The following GPC5 variants were observed in gnomAD, a reference collection of about 807,000 sequenced individuals.
The protein encoded by GPC5 is glypican-5.
A neutral mutation model predicts 53.9 loss-of-function variants in GPC5; 47 were observed. The ratio of observed to expected loss-of-function variants is 0.87; its 90% CI spans 0.69 to 1.11. GPC5 has a LOEUF of 1.11. Ranked by LOEUF, GPC5 falls within the 50% of genes most tolerant of loss-of-function variation. The pLI, the probability that GPC5 is intolerant of heterozygous loss-of-function variation, is 0.00. For missense variants in GPC5, 748 were observed against 713.1 expected, an observed-to-expected ratio of 1.05 and a Z score of -0.56; for synonymous variants, 286 against 263.3, an observed-to-expected ratio of 1.09 and a Z score of -0.84.
chr13:92,736,040 C>A (rs1316798580), intron 7 of GPC5, among the ~76,000 whole-genome samples: 1 of 151,974 alleles, frequency 6.6e-6, no homozygotes, highest in African/African-American at 2.4e-5. Context: ...GATAAACTAA[C>A]AAGCAAAAAT....
At chr13:91,777,568 A>G (rs1479519110) in intron 5 of GPC5, among the ~76,000 whole-genome samples, 1 of 152,210 alleles carries the variant, frequency 6.6e-6, no homozygotes, top group African/African-American at 2.4e-5. Context: ...AGATGAGAGT[A>G]TGTTCCGTGA....
chr13:91,632,968 A>G (rs1815934258), intron 2 of GPC5, among the ~76,000 whole-genome samples: 1 of 152,168 alleles, frequency 6.6e-6, no homozygotes, highest in Non-Finnish European at 1.5e-5. Context: ...TCCATGGCCT[A>G]GAGTGGAGCA....
intron 5 of GPC5, among the ~76,000 whole-genome samples, chr13:91,817,816 C>T (rs2038423453): frequency 4.6e-5 from 7 of 152,166 alleles, no homozygotes. Context: ...TTCAACATAT[C>T]TTATGTGATA....
chr13:91,878,383 A>G (rs1318492597), intron 5 of GPC5, among the ~76,000 whole-genome samples: 1 of 152,226 alleles, frequency 6.6e-6, no homozygotes, highest in Non-Finnish European at 1.5e-5. Flanking sequence ...AGTAGTAAGT[A>G]GTATTTGTCA....
chr13:92,741,142 A>C (rs1889080206), intron 7 of GPC5, among the ~76,000 whole-genome samples: 1 of 150,774 alleles, frequency 6.6e-6, no homozygotes, highest in Admixed American at 6.7e-5. Context: ...CCAGTGTGTC[A>C]GTATTGAAAG....
At chr13:91,648,622 C>T (rs1181454219) in intron 2 of GPC5, among the ~76,000 whole-genome samples, 3 of 152,094 alleles carry the variant, frequency 2.0e-5, no homozygotes, top group Admixed American at 2.0e-4. Context: ...TTTTCTATAA[C>T]TCTGGCATCC....
intron 7 of GPC5, among the ~76,000 whole-genome samples, chr13:92,690,787 A>G (rs968463372): frequency 1.3e-5 from 1 of 75,580 alleles, no homozygotes; most frequent in African/African-American, 5.3e-5. Context: ...CTTCTAACAG[A>G]CAGGACCCTC....
At chr13:91,956,104 C>T (rs1242788769) in intron 6 of GPC5, among the ~76,000 whole-genome samples, 3 of 152,144 alleles carry the variant, frequency 2.0e-5, no homozygotes, top group Non-Finnish European at 2.9e-5. Context: ...GTGCCTACCA[C>T]AGCCACCACC....
At position 92,131,456 on chromosome 13, in the gene GPC5, A is replaced by G. The variant is rs184274411; in HGVS notation, c.1402-13374A>G. ...AGAAACAGGTGAATCATCTAATAAC[A>G]CAGTTATATATTTATAAAATGGAAT... is the stretch of plus-strand genomic sequence containing the variant. On this transcript the variant is annotated intron_variant, in intron 6 of 7. Transcript: ENST00000377067. 2.1e-3 allele frequency among the ~76,000 whole-genome samples: 323 copies of G among 152,122 alleles called. 1 individual carries two copies. The highest frequency in any genetic ancestry group is 1.3e-3 in the Non-Finnish European group (85 of 67,914).
chr13:92,429,822 C>T (rs938812790), intron 7 of GPC5, among the ~76,000 whole-genome samples: 4 of 151,878 alleles, frequency 2.6e-5, no homozygotes, highest in Non-Finnish European at 4.4e-5. Flanking sequence ...TTACTGGGAG[C>T]GTAATACTAA....
At chr13:92,291,225 G>A (rs925107057) in intron 7 of GPC5, among the ~76,000 whole-genome samples, 2 of 152,198 alleles carry the variant, frequency 1.3e-5, no homozygotes, top group Non-Finnish European at 2.9e-5. Context: ...GGGCTGAGGA[G>A]TGCGGGCGCA....
At chr13:92,758,810 A>G (rs1414693007) in intron 7 of GPC5, among the ~76,000 whole-genome samples, 4 of 152,062 alleles carry the variant, frequency 2.6e-5, no homozygotes. Flanking sequence ...TGCCAAGACC[A>G]GTGTCAAGGG....
chr13:92,785,639 G>C (rs1275331839), intron 7 of GPC5, among the ~76,000 whole-genome samples: 1 of 152,176 alleles, frequency 6.6e-6, no homozygotes, highest in Non-Finnish European at 1.5e-5. Flanking sequence ...AAAGCCACAT[G>C]AAGTGATTTT....
At chr13:91,571,871 A>G (rs74973500) in intron 2 of GPC5, among the ~76,000 whole-genome samples, 2,651 of 69,024 alleles carry the variant, frequency 0.038, 366 homozygotes, top group South Asian at 0.079. Flanking sequence ...GTGTGTGTAT[A>G]TATACACACA....
chr13:92,539,389 G>T (rs1368136972), intron 7 of GPC5, among the ~76,000 whole-genome samples: 1 of 151,986 alleles, frequency 6.6e-6, no homozygotes, highest in Admixed American at 6.6e-5. Context: ...ATATCTGATG[G>T]TGGTTTTGAT....
intron 7 of GPC5, among the ~76,000 whole-genome samples, chr13:92,351,834 G>A (rs916923499): frequency 6.6e-6 from 1 of 152,076 alleles, no homozygotes; most frequent in East Asian, 1.9e-4. Context: ...ACGAATTAGA[G>A]GAACCAATTA....
At chr13:92,817,515 A>G (rs1877517993) in intron 7 of GPC5, among the ~76,000 whole-genome samples, 2 of 152,030 alleles carry the variant, frequency 1.3e-5, no homozygotes, top group Admixed American at 1.3e-4. Flanking sequence ...ACTGAATAAA[A>G]TATCAGCATC....
At chr13:91,511,091 G>A (rs972711657) in intron 2 of GPC5, among the ~76,000 whole-genome samples, 1 of 151,980 alleles carries the variant, frequency 6.6e-6, no homozygotes, top group Non-Finnish European at 1.5e-5. Context: ...ATCTATTTAG[G>A]TTAAATTTGA....
At chr13:92,501,509 G>A (rs78601089) in intron 7 of GPC5, among the ~76,000 whole-genome samples, 11,360 of 152,040 alleles carry the variant, frequency 0.075, 1,252 homozygotes, top group African/African-American at 0.24. Context: ...GGCAAAGAGC[G>A]TAGACCAGAA....
Sources: gnomAD v4.1 joint callset for allele counts (sites outside exome capture counted in the v4.1 genomes callset) on GRCh38, gnomAD v4.1.1 for gene constraint, MANE v1.5 for transcripts, NCBI Gene and HGNC (gene_info 2026-07-23, HGNC 2026-07-21) for gene names.